NPR3: variants seen among roughly 807,000 people sequenced by gnomAD.
NPR3 encodes natriuretic peptide receptor 3, also known as atrial natriuretic peptide receptor 3.
NPR3 carries 34 observed loss-of-function variants against 54.5 expected under a neutral mutation model. The observed-to-expected ratio is 0.62, with a 90% CI of 0.47 to 0.83. The LOEUF is 0.83. Among genes scored for constraint, NPR3 ranks in the 40% least tolerant of loss-of-function variants. The pLI is 0.00. For missense variants in NPR3, 674 were observed against 720.8 expected, an observed-to-expected ratio of 0.94 and a Z score of 0.74; for synonymous variants, 289 against 297.1, an observed-to-expected ratio of 0.97 and a Z score of 0.28.
At position 32,790,833 on chromosome 5, in the gene NPR3, T is replaced by C. The variant is rs1742872539; in HGVS notation, c.*4488T>C. On this transcript the variant is annotated 3_prime_UTR_variant, in exon 8 of 8. Transcript: ENST00000265074. ...GCCAGATCTCATGAGTAAAAATCCA[T>C]TTTATAATAGCTCTGTGATATATCA... is the stretch of plus-strand genomic sequence containing the variant. The C allele has an allele frequency of 1.2e-5, 2 of 167,048 alleles. No individual in the cohort carries two copies. The highest frequency in any genetic ancestry group is 4.1e-4 in the South Asian group (2 of 4,830). 10.3% of individuals were successfully genotyped at this position (167,048 alleles called of 1,614,324 possible).
chr5:32,717,473 A>C (rs1169396354), intron 1 of NPR3, among the ~76,000 whole-genome samples: 2 of 152,220 alleles, frequency 1.3e-5, no homozygotes, highest in African/African-American at 2.4e-5. Flanking sequence ...TCCCACCAAC[A>C]GTGTAAAAGT....
chr5:32,710,511 T>C, upstream of NPR3: 1 of 835,420 alleles, frequency 1.2e-6, no homozygotes, highest in Non-Finnish European at 1.7e-6. Context: ...CTCAGTGCGC[T>C]GACAGAGGGT....
chr5:32,760,778 T>A (rs1203728288), intron 3 of NPR3, among the ~76,000 whole-genome samples: 2 of 152,144 alleles, frequency 1.3e-5, no homozygotes, highest in Non-Finnish European at 2.9e-5. Context: ...ATTTTCTGGT[T>A]TTCTTTCAGA....
chr5:32,713,484 G>T (rs1738377426), intron 1 of NPR3: 4 of 982,144 alleles, frequency 4.1e-6, no homozygotes, highest in African/African-American at 1.7e-5. Context: ...GTATAGCGCC[G>T]ATCCCTCCTC....
At chr5:32,761,121 C>G (rs1432999362) in intron 3 of NPR3, among the ~76,000 whole-genome samples, 1 of 151,868 alleles carries the variant, frequency 6.6e-6, no homozygotes, top group East Asian at 1.9e-4. Flanking sequence ...TTGTCCTTCT[C>G]TTTGAAAAAA....
At chr5:32,731,375 T>C (rs1194891502) in intron 2 of NPR3, among the ~76,000 whole-genome samples, 1 of 152,218 alleles carries the variant, frequency 6.6e-6, no homozygotes, top group Non-Finnish European at 1.5e-5. Flanking sequence ...ATGAACTAGC[T>C]GTTAACTCTA....
intron 2 of NPR3, among the ~76,000 whole-genome samples, chr5:32,728,833 G>A (rs181628924): frequency 0.19 from 11,025 of 59,512 alleles, 718 homozygotes; most frequent in South Asian, 0.2. Flanking sequence ...GTGTGTGTGT[G>A]TGTGTATATA....
intron 3 of NPR3, among the ~76,000 whole-genome samples, chr5:32,750,521 G>T (rs1373001658): frequency 6.6e-6 from 1 of 152,038 alleles, no homozygotes; most frequent in Non-Finnish European, 1.5e-5. Flanking sequence ...ATTTCATTTT[G>T]GTGGGGATTT....
intron 3 of NPR3, among the ~76,000 whole-genome samples, chr5:32,747,940 G>C (rs899238160): frequency 1.3e-5 from 2 of 151,984 alleles, no homozygotes; most frequent in African/African-American, 4.8e-5. Flanking sequence ...TTTTAGTAGA[G>C]ACAGGGTTTC....
At chr5:32,758,049 G>A (rs1019172332) in intron 3 of NPR3, among the ~76,000 whole-genome samples, 1 of 133,418 alleles carries the variant, frequency 7.5e-6, no homozygotes, top group Non-Finnish European at 1.6e-5. Flanking sequence ...CAGGGATATT[G>A]GTCTAAAATT....
At chr5:32,760,131 T>C (rs990787755) in intron 3 of NPR3, among the ~76,000 whole-genome samples, 1 of 152,142 alleles carries the variant, frequency 6.6e-6, no homozygotes, top group Admixed American at 6.6e-5. Flanking sequence ...GGATGTTTTT[T>C]TTTTTCCAGT....
At chr5:32,765,458 T>C (rs749544255) in intron 3 of NPR3, among the ~76,000 whole-genome samples, 5 of 152,166 alleles carry the variant, frequency 3.3e-5, no homozygotes, top group African/African-American at 1.2e-4. Flanking sequence ...TGGCATGCTA[T>C]GGGCAGGCAC....
intron 1 of NPR3, among the ~76,000 whole-genome samples, 161 bp downstream of exon 1, chr5:32,712,706 C>A (rs1221870389): frequency 2.0e-5 from 3 of 152,244 alleles, no homozygotes; most frequent in Non-Finnish European, 4.4e-5. Context: ...CTGCGACAAC[C>A]TTTGACGACC....
At chr5:32,724,013 G>C (rs950587850) in intron 1 of NPR3, among the ~76,000 whole-genome samples, 3 of 152,066 alleles carry the variant, frequency 2.0e-5, no homozygotes, top group Non-Finnish European at 4.4e-5. Context: ...TGAAAGTACA[G>C]AATCATGCTT....
At chr5:32,751,173 A>T (rs1019380354) in intron 3 of NPR3, among the ~76,000 whole-genome samples, 5 of 152,178 alleles carry the variant, frequency 3.3e-5, no homozygotes, top group Admixed American at 3.3e-4. Flanking sequence ...AATTGGAGAT[A>T]TTTGTGTCCT....
At chr5:32,706,015 C>T (rs1312643831), upstream of NPR3, among the ~76,000 whole-genome samples, 1 of 152,082 alleles carries the variant, frequency 6.6e-6, no homozygotes, top group East Asian at 1.9e-4. Context: ...ATTGTAATCC[C>T]CAATGTCAGT....
At chr5:32,758,553 G>A (rs1003286966) in intron 3 of NPR3, among the ~76,000 whole-genome samples, 2 of 150,874 alleles carry the variant, frequency 1.3e-5, no homozygotes, top group African/African-American at 4.9e-5. Flanking sequence ...CAAAAAACTA[G>A]CTCCTGGATG....
chr5:32,720,771 T>G (rs1364131167), intron 1 of NPR3, among the ~76,000 whole-genome samples: 1 of 152,222 alleles, frequency 6.6e-6, no homozygotes, highest in African/African-American at 2.4e-5. Flanking sequence ...TGATGTCCTC[T>G]GTTCTCTATA....
intron 3 of NPR3, among the ~76,000 whole-genome samples, chr5:32,743,451 T>C (rs1284570250): frequency 1.3e-5 from 2 of 152,168 alleles, no homozygotes; most frequent in African/African-American, 4.8e-5. Flanking sequence ...ATTTGAGTGT[T>C]TGAATTTTAT....
Sources: gnomAD v4.1 joint callset for allele counts (sites outside exome capture counted in the v4.1 genomes callset) on GRCh38, gnomAD v4.1.1 for gene constraint, MANE v1.5 for transcripts, NCBI Gene and HGNC (gene_info 2026-07-23, HGNC 2026-07-21) for gene names.